Variants in NXPH1 observed in about 807,000 individuals in gnomAD.
NXPH1 encodes neurexophilin-1.
A neutral mutation model predicts 23.7 loss-of-function variants in NXPH1; 5 were observed. That is an observed-to-expected ratio of 0.21 (90% CI 0.11 to 0.44). The LOEUF (loss-of-function observed/expected upper bound fraction) is 0.44, where lower values mean the gene tolerates loss of function less well. NXPH1 is among the 20% of genes least tolerant of loss of function. NXPH1 has a pLI of 0.99. For missense variants in NXPH1, 324 were observed against 321.6 expected, an observed-to-expected ratio of 1.01 and a Z score of -0.06; for synonymous variants, 144 against 122.2, an observed-to-expected ratio of 1.18 and a Z score of -1.18.
At chr7:8,598,227 G>A (rs1365835561) in intron 2 of NXPH1, among the ~76,000 whole-genome samples, 3 of 152,096 alleles carry the variant, frequency 2.0e-5, no homozygotes, top group Non-Finnish European at 2.9e-5. Context: ...CGTCTAAGCA[G>A]CTATCCTCAA....
intron 2 of NXPH1, among the ~76,000 whole-genome samples, chr7:8,739,347 A>G (rs1042465817): frequency 2.6e-5 from 4 of 152,026 alleles, no homozygotes; most frequent in African/African-American, 9.7e-5. Flanking sequence ...TCTGGGCCAG[A>G]ATGCACCGTC....
intron 2 of NXPH1, among the ~76,000 whole-genome samples, chr7:8,646,568 G>A (rs1450102004): frequency 6.6e-6 from 1 of 151,904 alleles, no homozygotes; most frequent in African/African-American, 2.4e-5. Flanking sequence ...AGGCTTTGTT[G>A]TACTATTTGT....
At position 8,562,257 on chromosome 7, in the gene NXPH1, GA is replaced by G. The variant is rs1165272227; in HGVS notation, c.54+126492del. ...GAAGAGGCTTTTTAAGAAGAGGTTGGAACAGTTGGAAAGGCCAGATGGAAAA... is the reference window on the plus strand; with the variant it reads ...GAAGAGGCTTTTTAAGAAGAGGTTGGACAGTTGGAAAGGCCAGATGGAAAA... On this transcript the variant is annotated intron_variant, in intron 2 of 2. Coordinates refer to ENST00000405863, the MANE Select transcript of NXPH1 (RefSeq NM_152745.3). Among the ~76,000 whole-genome samples, 4 of 151,796 alleles carry G rather than the reference GA, an allele frequency of 2.6e-5. No homozygotes were observed. The East Asian group carries it at 7.8e-4, about 30-fold the overall frequency.
chr7:8,469,469 G>A (rs541067554), intron 2 of NXPH1, among the ~76,000 whole-genome samples: 8 of 152,160 alleles, frequency 5.3e-5, no homozygotes, highest in Non-Finnish European at 7.4e-5. Context: ...GACAGAGAGC[G>A]TCAAATGTAT....
intron 2 of NXPH1, among the ~76,000 whole-genome samples, chr7:8,519,919 T>C (rs5018942): frequency 0.24 from 36,149 of 152,068 alleles, 4,422 homozygotes; most frequent in East Asian, 0.31. Context: ...TGAGAAAGTT[T>C]ATTGATGAAA....
At chr7:8,621,216 C>G (rs1456594239) in intron 2 of NXPH1, among the ~76,000 whole-genome samples, 1 of 152,006 alleles carries the variant, frequency 6.6e-6, no homozygotes, top group Non-Finnish European at 1.5e-5. Context: ...TGATAGTCAC[C>G]ATGAAAGAGA....
chr7:8,737,493 A>C (rs951890762), intron 2 of NXPH1, among the ~76,000 whole-genome samples: 5 of 152,192 alleles, frequency 3.3e-5, no homozygotes, highest in African/African-American at 1.2e-4. Flanking sequence ...GTTTCTGCAG[A>C]GAGATCCACT....
intron 2 of NXPH1, among the ~76,000 whole-genome samples, chr7:8,581,202 T>C (rs1307100230): frequency 6.6e-6 from 1 of 152,196 alleles, no homozygotes; most frequent in Non-Finnish European, 1.5e-5. Flanking sequence ...TAAAAATATA[T>C]ACTTATTAAA....
At chr7:8,574,457 A>C (rs969788745) in intron 2 of NXPH1, among the ~76,000 whole-genome samples, 10 of 152,030 alleles carry the variant, frequency 6.6e-5, no homozygotes, top group African/African-American at 2.4e-4. Context: ...TTACAGATTC[A>C]GTTTAAGATT....
intron 2 of NXPH1, among the ~76,000 whole-genome samples, chr7:8,675,929 G>T (rs1456794235): frequency 2.0e-5 from 3 of 151,996 alleles, no homozygotes; most frequent in Non-Finnish European, 4.4e-5. Context: ...CCACTTGTTG[G>T]TCATTCTTGG....
intron 2 of NXPH1, among the ~76,000 whole-genome samples, chr7:8,626,636 C>T (rs1309825813): frequency 6.6e-6 from 1 of 152,064 alleles, no homozygotes; most frequent in African/African-American, 2.4e-5. Context: ...CATATGAAAT[C>T]AAAGTGTTCT....
rs898287280 is a variant in NXPH1 at position 8,682,850 on chromosome 7, G to A, written c.55-68158G>A. Among the ~76,000 whole-genome samples the A allele has an allele frequency of 4.6e-5, 7 of 152,240 alleles. No individual in the cohort carries two copies. The East Asian group carries it at 9.6e-4, about 21-fold the overall frequency. ...TTTTAATAGTTCAAGTCATTAGAAT[G>A]TGATGTTGAATATTTTCAGGTATCA... On this transcript the variant is annotated intron_variant, in intron 2 of 2. Coordinates refer to ENST00000405863, the MANE Select transcript of NXPH1 (RefSeq NM_152745.3).
intron 2 of NXPH1, among the ~76,000 whole-genome samples, chr7:8,538,701 C>T (rs1025597415): frequency 2.0e-5 from 3 of 151,936 alleles, no homozygotes; most frequent in African/African-American, 4.8e-5. Context: ...AGTTATTACA[C>T]GTACTCTTGA....
chr7:8,543,402 C>G (rs552829908), intron 2 of NXPH1, among the ~76,000 whole-genome samples: 1 of 151,680 alleles, frequency 6.6e-6, no homozygotes, highest in South Asian at 2.1e-4. Context: ...ATAATTACGA[C>G]TAAAGCAATA....
rs561220636 is a variant in NXPH1 at position 8,662,392 on chromosome 7, G to T, written c.55-88616G>T. Reference sequence around the variant, plus strand: ...TTTCCGTTCATAAATGTCAGAACAGGTACCCTTAAACTATGGGGATAAGTT... The same window carrying T: ...TTTCCGTTCATAAATGTCAGAACAGTTACCCTTAAACTATGGGGATAAGTT... On this transcript the variant is annotated intron_variant, in intron 2 of 2. Coordinates refer to ENST00000405863, the MANE Select transcript of NXPH1 (RefSeq NM_152745.3). 2.7e-5 allele frequency among the ~76,000 whole-genome samples: 3 copies of T among 110,042 alleles called. No homozygotes were observed. In the Admixed American group the frequency reaches 3.0e-4, roughly 11 times the overall value. The allele number at this position is 110,042 out of a possible 152,430, so 72.2% of individuals were successfully genotyped here. A position where few individuals can be genotyped will look rare whatever the true frequency, so the allele number is the denominator to read the frequency against.
chr7:8,687,489 A>G (rs1363526558), intron 2 of NXPH1, among the ~76,000 whole-genome samples: 2 of 152,156 alleles, frequency 1.3e-5, no homozygotes, highest in African/African-American at 4.8e-5. Context: ...ACATCATTTT[A>G]CCTCATTTTT....
intron 2 of NXPH1, among the ~76,000 whole-genome samples, chr7:8,452,930 C>T (rs1314864778): frequency 6.6e-6 from 1 of 151,924 alleles, no homozygotes; most frequent in Non-Finnish European, 1.5e-5. Flanking sequence ...TTCTGACAGC[C>T]CAGAAGATGA....
rs1583232824 is a variant in NXPH1 at position 8,692,404 on chromosome 7, C to T, written c.55-58604C>T. On this transcript the variant is annotated intron_variant, in intron 2 of 2. Coordinates refer to ENST00000405863, the MANE Select transcript of NXPH1 (RefSeq NM_152745.3). ...GGTGACAGCACTGGAGAGAAATAGG[C>T]AGAATGGGGTCAAGTTTTGCTTTGT... Among the ~76,000 whole-genome samples, 2 of 152,166 alleles carry T rather than the reference C, an allele frequency of 1.3e-5. 1 individual carries two copies. The highest frequency in any genetic ancestry group is 4.2e-4 in the South Asian group (2 of 4,808).
At chr7:8,520,100 G>A (rs1817746318) in intron 2 of NXPH1, among the ~76,000 whole-genome samples, 1 of 152,048 alleles carries the variant, frequency 6.6e-6, no homozygotes, top group African/African-American at 2.4e-5. Flanking sequence ...ATTCAAAAAT[G>A]AGAAATACGG....
Sources: gnomAD v4.1 joint callset for allele counts (sites outside exome capture counted in the v4.1 genomes callset) on GRCh38, gnomAD v4.1.1 for gene constraint, MANE v1.5 for transcripts, NCBI Gene and HGNC (gene_info 2026-07-23, HGNC 2026-07-21) for gene names.